YTHDF3: variants seen among roughly 807,000 people sequenced by gnomAD.
YTHDF3 encodes YTH N6-methyladenosine RNA binding protein F3.
Under a neutral mutation model 52.5 loss-of-function variants are expected in YTHDF3, and 9 were observed. That is an observed-to-expected ratio of 0.17 (90% confidence interval 0.10 to 0.30). The LOEUF (loss-of-function observed/expected upper bound fraction) is 0.30, where lower values mean the gene tolerates loss of function less well. Ranked by LOEUF, YTHDF3 falls within the 10% of genes least tolerant of loss-of-function variation. The pLI is 1.00. For synonymous variants in YTHDF3, 274 were observed against 243.3 expected, an observed-to-expected ratio of 1.13 and a Z score of -1.18; for missense variants, 534 against 715.0, an observed-to-expected ratio of 0.75 and a Z score of 2.89.
In YTHDF3 at chr8:63,187,142, A is replaced by G. The variant is rs745428437; in HGVS notation, c.1131A>G (p.Leu377=). The G allele has an allele frequency of 6.2e-7, 1 of 1,613,954 alleles. No individual in the cohort carries two copies. The highest frequency in any genetic ancestry group is 8.5e-7 in the Non-Finnish European group (1 of 1,179,862). Residue 377 remains leucine (L), a synonymous_variant, in exon 4 of 5, where the codon TTA becomes TTG. Coordinates refer to ENST00000539294, the MANE Select transcript of YTHDF3 (RefSeq NM_152758.6). The part of the protein sequence containing the change: ...NNGAGSENFG[L]GVVPVSASPS... Reference sequence around the variant, plus strand: ...GAGCGGGCAGTGAAAACTTTGGTTTAGGTGTTGTACCTGTCAGTGCTTCAC... The same window carrying G: ...GAGCGGGCAGTGAAAACTTTGGTTTGGGTGTTGTACCTGTCAGTGCTTCAC...
At chr8:63,207,535 C>T (rs1810110907) in intron 4 of YTHDF3, among the ~76,000 whole-genome samples, 1 of 151,880 alleles carries the variant, frequency 6.6e-6, no homozygotes, top group Non-Finnish European at 1.5e-5. Context: ...TTTATTCTCC[C>T]CTTGTCCATT....
At chr8:63,191,145 G>C (rs987843263) in intron 4 of YTHDF3, among the ~76,000 whole-genome samples, 1 of 152,008 alleles carries the variant, frequency 6.6e-6, no homozygotes, top group Non-Finnish European at 1.5e-5. Context: ...GTAAATAGCT[G>C]TTTTTTTGGT....
chr8:63,169,487 GT>G, intron 2 of YTHDF3, 76 bp downstream of exon 2: 1 of 1,475,080 alleles, frequency 6.8e-7, no homozygotes. Flanking sequence ...AGGGTATTTT[GT>G]TTGTTTTTGC....
chr8:63,196,300 G>A (rs538091771), intron 4 of YTHDF3, among the ~76,000 whole-genome samples: 9 of 151,558 alleles, frequency 5.9e-5, no homozygotes, highest in African/African-American at 1.9e-4. Context: ...GTGGCTCAAT[G>A]CCTGTAATCA....
intron 4 of YTHDF3, among the ~76,000 whole-genome samples, chr8:63,196,241 C>T (rs368095209): frequency 6.8e-6 from 1 of 146,590 alleles, no homozygotes; most frequent in East Asian, 2.0e-4. Context: ...GCTTGGGCGA[C>T]AGAAGTCTGT....
At chr8:63,169,515 A>T in intron 2 of YTHDF3, 104 bp downstream of exon 2, 1 of 1,276,092 alleles carries the variant, frequency 7.8e-7, no homozygotes, top group Non-Finnish European at 1.1e-6. Context: ...TTGGGAAAAA[A>T]TGTAGGATTA....
At chr8:63,196,604 T>TTA (rs1267834528) in intron 4 of YTHDF3, among the ~76,000 whole-genome samples, 1 of 151,702 alleles carries the variant, frequency 6.6e-6, no homozygotes, top group Non-Finnish European at 1.5e-5. Flanking sequence ...GACAAAATCT[T>TTA]TAAAAGCTTC....
chr8:63,174,756 C>T (rs1807574611), intron 2 of YTHDF3, among the ~76,000 whole-genome samples: 1 of 152,150 alleles, frequency 6.6e-6, no homozygotes, highest in African/African-American at 2.4e-5. Flanking sequence ...AATTAAAGCC[C>T]TCTTTATTTA....
At chr8:63,209,441 G>A (rs904701075) in intron 4 of YTHDF3, among the ~76,000 whole-genome samples, 1 of 152,124 alleles carries the variant, frequency 6.6e-6, no homozygotes, top group African/African-American at 2.4e-5. Flanking sequence ...GGGATGTGGA[G>A]AGGATCTATA....
intron 3 of YTHDF3, 81 bp from the exon 4 acceptor site, chr8:63,186,066 C>CT (rs1337307304): frequency 7.3e-7 from 1 of 1,371,626 alleles, no homozygotes. Context: ...CTTAAAACTT[C>CT]TTGATTTTAA....
rs1008748792 is a variant in YTHDF3, at chr8:63,177,528, T to C, written c.135+2112T>C. 2.0e-5 allele frequency among the ~76,000 whole-genome samples: 3 copies of C among 152,220 alleles called. 1 individual carries two copies. The highest frequency in any genetic ancestry group is 2.0e-4 in the Admixed American group (3 of 15,286). ...ACATAGTAATCTCAGTTAACGCTTATGGCAGTATGGCAGTATTTTCCAACT... is the reference window on the plus strand; with the variant it reads ...ACATAGTAATCTCAGTTAACGCTTACGGCAGTATGGCAGTATTTTCCAACT... On this transcript the variant is annotated intron_variant, in intron 3 of 4. Transcript: ENST00000539294.
intron 4 of YTHDF3, among the ~76,000 whole-genome samples, chr8:63,192,948 T>C (rs957865137): frequency 6.6e-6 from 1 of 152,048 alleles, no homozygotes; most frequent in East Asian, 1.9e-4. Flanking sequence ...TATCCCCAAG[T>C]GAATATCTTG....
intron 4 of YTHDF3, among the ~76,000 whole-genome samples, chr8:63,195,927 A>C (rs533444661): frequency 1.3e-5 from 2 of 152,132 alleles, no homozygotes; most frequent in Admixed American, 1.3e-4. Flanking sequence ...TCAGTCTCCC[A>C]AGTACCTGTG....
intron 2 of YTHDF3, among the ~76,000 whole-genome samples, chr8:63,173,836 C>T (rs1434662568): frequency 6.6e-6 from 1 of 152,098 alleles, no homozygotes; most frequent in African/African-American, 2.4e-5. Context: ...TGATGCAGTC[C>T]TTATCAGACA....
At chr8:63,199,033 A>G (rs1028271830) in intron 4 of YTHDF3, among the ~76,000 whole-genome samples, 1 of 152,108 alleles carries the variant, frequency 6.6e-6, no homozygotes, top group Admixed American at 6.5e-5. Flanking sequence ...AATAGTCAAG[A>G]TGATTGAGTT....
chr8:63,175,858 A>G (rs1046067062), intron 3 of YTHDF3, among the ~76,000 whole-genome samples: 2 of 152,322 alleles, frequency 1.3e-5, no homozygotes, highest in African/African-American at 4.8e-5. Flanking sequence ...TTTTTTTAAG[A>G]CATTGCAGAT....
At chr8:63,184,403 A>T (rs577390243) in intron 3 of YTHDF3, among the ~76,000 whole-genome samples, 31 of 152,330 alleles carry the variant, frequency 2.0e-4, no homozygotes, top group Non-Finnish European at 3.7e-4. Context: ...GTTACATTAT[A>T]TTTAGTTCTT....
In YTHDF3 at chr8:63,209,682, G is replaced by A; in HGVS notation, c.1735-1G>A. On this transcript the variant is annotated splice_acceptor_variant, in intron 4 of 4. Coordinates refer to ENST00000539294, the MANE Select transcript of YTHDF3 (RefSeq NM_152758.6). LOFTEE classifies it high-confidence loss of function. ...GTGTGTGTGTGTTTTTTTTTTTTCA[G>A]GAGAGAAATAGAAACAAACAATAAC... 1 of 1,559,818 alleles carries A rather than the reference G, an allele frequency of 6.4e-7. No individual in the cohort carries two copies. The highest frequency in any genetic ancestry group is 2.3e-5 in the East Asian group (1 of 44,056).
chr8:63,173,682 G>A (rs1007123490), intron 2 of YTHDF3: 3 of 985,220 alleles, frequency 3.0e-6, no homozygotes, highest in Non-Finnish European at 3.6e-6. Flanking sequence ...AGGAGAACAG[G>A]TATGTCAGAA....
Sources: allele counts gnomAD v4.1 joint callset (sites outside exome capture counted in the v4.1 genomes callset), GRCh38; gene constraint gnomAD v4.1.1; transcripts MANE v1.5; gene names NCBI Gene and HGNC (gene_info 2026-07-23, HGNC 2026-07-21).